Variants in CCT5 observed in about 807,000 individuals in gnomAD.
The protein encoded by CCT5 is T-complex protein 1 subunit epsilon.
CCT5 carries 6 observed loss-of-function variants against 55.0 expected under a neutral mutation model. The ratio of observed to expected loss-of-function variants is 0.11; its 90% CI spans 0.06 to 0.22. CCT5 has a LOEUF of 0.22. CCT5 is among the 10% of genes least tolerant of loss of function. CCT5 has a pLI of 1.00. For synonymous variants in CCT5, 231 were observed against 243.7 expected (o/e 0.95, Z 0.49); for missense variants, 560 against 694.6 (o/e 0.81, Z 2.18).
At position 10,264,758 on chromosome 5, in the gene CCT5, G is replaced by A. The variant is rs779262060; in HGVS notation, c.1601G>A (p.Arg534His). The A allele has an allele frequency of 2.5e-6, 4 of 1,611,202 alleles. No homozygotes were observed. The highest frequency in any genetic ancestry group is 3.4e-6 in the Non-Finnish European group (4 of 1,177,462). The change falls in exon 11 of 11, where the codon CGT becomes CAT. Residue 534 changes from arginine to histidine, a missense_variant. Physicochemically the swap from Arg to His is conservative, Grantham distance 29. Coordinates refer to ENST00000280326, the MANE Select transcript of CCT5 (RefSeq NM_012073.5). ...VRMILKIDDI[R>H]KPGESEE is the part of the protein sequence containing the mutation. Reference sequence around the variant, plus strand: ...ATGATTTTGAAGATTGATGACATTCGTAAGCCTGGAGAATCTGAAGAATGA... The same window carrying A: ...ATGATTTTGAAGATTGATGACATTCATAAGCCTGGAGAATCTGAAGAATGA...
intron 6 of CCT5, among the ~76,000 whole-genome samples, chr5:10,260,262 C>T (rs1745893751): frequency 6.6e-6 from 1 of 152,140 alleles, no homozygotes; most frequent in African/African-American, 2.4e-5. Context: ...AGTGACTTTG[C>T]CATTTGCAGG....
At position 10,260,855 on chromosome 5, in the gene CCT5, T is replaced by C; in HGVS notation, c.937T>C (p.Leu313=). The C allele has an allele frequency of 6.2e-7, 1 of 1,614,170 alleles. No individual in the cohort carries two copies. ...QWGFDDEANH[L]LLQNNLPAVR... ...GGGCTTTGATGATGAAGCAAATCAC[T>C]TACTTCTTCAGAACAACTTGCCTGC... Residue 313 remains leucine (L), a synonymous_variant, in exon 7 of 11, where the codon TTA becomes CTA. Transcript: ENST00000280326.
At chr5:10,262,963 A>T (rs987348882) in intron 9 of CCT5, among the ~76,000 whole-genome samples, 171 bp from the exon 10 acceptor site, 1 of 152,214 alleles carries the variant, frequency 6.6e-6, no homozygotes, top group Non-Finnish European at 1.5e-5. Context: ...CTCTGCCTGT[A>T]TTCTGTGGTG....
At chr5:10,261,794 G>C (rs755604055) in intron 8 of CCT5, 49 bp downstream of exon 8, 1 of 1,527,492 alleles carries the variant, frequency 6.5e-7, no homozygotes, top group East Asian at 2.3e-5. Flanking sequence ...TTGCTTCATG[G>C]TCTGGCTTTT....
chr5:10,258,956 A>G (rs1745817322), intron 6 of CCT5, among the ~76,000 whole-genome samples: 1 of 152,116 alleles, frequency 6.6e-6, no homozygotes, highest in Non-Finnish European at 1.5e-5. Context: ...TTGCACCACT[A>G]CACTCCAGCC....
In CCT5 at chr5:10,250,411, G is replaced by C; in HGVS notation, c.71G>C (p.Arg24Pro). 6.2e-7 allele frequency: 1 copy of C among 1,613,978 alleles called. No individual in the cohort carries two copies. Among genetic ancestry groups the C allele is most frequent in the Non-Finnish European group, 8.5e-7 (1 of 1,180,036 alleles). ...TTCCTCATCATCAAGGATCAGGACC[G>C]CAAGTCCCGTCTTATGGGACTTGAG... is the stretch of plus-strand genomic sequence containing the variant. ...RPFLIIKDQD[R>P]KSRLMGLEAL... The change falls in exon 1 of 11, where the codon CGC (arginine) becomes CCC (proline). Residue 24 changes from arginine to proline, a missense_variant. Physicochemically the swap from Arg to Pro is moderately radical, Grantham distance 103. Around this residue, in one of 4 missense-constraint regions of CCT5, gnomAD observed 137 missense variants for 181.9 expected, o/e 0.75. Transcript: ENST00000280326.
At chr5:10,255,666 C>A (rs549940122) in intron 3 of CCT5, among the ~76,000 whole-genome samples, 1 of 152,030 alleles carries the variant, frequency 6.6e-6, no homozygotes, top group South Asian at 2.1e-4. Context: ...AACATAATAG[C>A]TTTTTACCTC....
chr5:10,254,296 G>T, intron 2 of CCT5, 91 bp downstream of exon 2: 1 of 947,976 alleles, frequency 1.1e-6, no homozygotes. Flanking sequence ...GGAGTATTGA[G>T]GGGAGGCATC....
At chr5:10,255,521 T>C (rs1340516864) in intron 3 of CCT5, among the ~76,000 whole-genome samples, 1 of 151,720 alleles carries the variant, frequency 6.6e-6, no homozygotes, top group Non-Finnish European at 1.5e-5. Flanking sequence ...CTTGGAGAGC[T>C]GTAGATTTAA....
At chr5:10,261,512 A>T (rs1043777692) in intron 7 of CCT5, 48 bp from the exon 8 acceptor site, 2 of 1,581,548 alleles carry the variant, frequency 1.3e-6, no homozygotes. Context: ...TTTGAAAGTT[A>T]ACTTCACCAG....
At chr5:10,263,828 CTG>C (rs1456443085) in intron 10 of CCT5, among the ~76,000 whole-genome samples, 1 of 152,196 alleles carries the variant, frequency 6.6e-6, no homozygotes, top group Non-Finnish European at 1.5e-5. Flanking sequence ...CAGGCCATGT[CTG>C]TAATCCATCC....
At chr5:10,254,565 G>A (rs1277325604) in intron 2 of CCT5, 109 bp from the exon 3 acceptor site, 23 of 938,116 alleles carry the variant, frequency 2.5e-5, no homozygotes, top group Middle Eastern at 2.2e-4. Context: ...TGCATTATTT[G>A]TATATAATAA....
intron 1 of CCT5, among the ~76,000 whole-genome samples, chr5:10,251,785 T>C (rs533168672): frequency 1.3e-5 from 2 of 152,348 alleles, no homozygotes; most frequent in East Asian, 3.9e-4. Flanking sequence ...AATTGTATTA[T>C]GTATTCCATT....
intron 7 of CCT5, chr5:10,261,130 T>C (rs1284815670): frequency 8.1e-6 from 5 of 618,942 alleles, no homozygotes; most frequent in Non-Finnish European, 1.5e-5. Flanking sequence ...ATTCTCTCCC[T>C]GTGTTGTCTC....
chr5:10,261,822 A>G (rs756903385), intron 8 of CCT5, 77 bp downstream of exon 8: 22 of 1,071,262 alleles, frequency 2.1e-5, no homozygotes, highest in Non-Finnish European at 3.2e-5. Context: ...TGTGTATTTA[A>G]CAGAGACACA....
intron 2 of CCT5, 30 bp from the exon 3 acceptor site, chr5:10,254,644 G>C: frequency 4.3e-6 from 7 of 1,611,944 alleles, no homozygotes; most frequent in Non-Finnish European, 5.9e-6. Context: ...CCAGTTTTTT[G>C]CGCAAAGCCT....
In CCT5 at chr5:10,250,696, G is replaced by C. The variant is rs1745345072; in HGVS notation, c.105+251G>C. ...GCGCCCTTCGGAGCTGGGTGGGGCC[G>C]CTCAGTCCGGTCGCCCGCGGGAGCA... On this transcript the variant is annotated intron_variant, in intron 1 of 10. Coordinates refer to ENST00000280326, the MANE Select transcript of CCT5 (RefSeq NM_012073.5). 5 of 1,346,714 alleles carry C rather than the reference G, an allele frequency of 3.7e-6. No homozygotes were observed. In the Admixed American group the frequency reaches 1.7e-4, roughly 46 times the overall value. 83.4% of individuals were successfully genotyped at this position (1,346,714 alleles called of 1,614,324 possible).
chr5:10,257,972 C>CATTCCCCTCT (rs1745765390), intron 4 of CCT5, 139 bp from the exon 5 acceptor site: 2 of 855,122 alleles, frequency 2.3e-6, no homozygotes, highest in African/African-American at 3.3e-5. Context: ...GTTGAAAATG[C>CATTCCCCTCT]AGGTTGAGAT....
chr5:10,252,773 C>G (rs971194720), intron 1 of CCT5, among the ~76,000 whole-genome samples: 4 of 152,162 alleles, frequency 2.6e-5, no homozygotes, highest in Non-Finnish European at 4.4e-5. Flanking sequence ...TGATACTCTT[C>G]CCTCTGGAAA....
Sources: gnomAD v4.1 joint callset for allele counts (sites outside exome capture counted in the v4.1 genomes callset) on GRCh38, gnomAD v4.1.1 for gene constraint, gnomAD v4.1.1 regional missense constraint, MANE v1.5 for transcripts, NCBI Gene and HGNC (gene_info 2026-07-23, HGNC 2026-07-21) for gene names.